TMEM59L: variants seen among roughly 807,000 people sequenced by gnomAD.
The protein encoded by TMEM59L is transmembrane protein 59-like.
Under a neutral mutation model 39.6 loss-of-function variants are expected in TMEM59L, and 31 were observed. The observed-to-expected ratio is 0.78, with a 90% confidence interval of 0.59 to 1.06. The LOEUF (loss-of-function observed/expected upper bound fraction) is 1.06. Among genes scored for constraint, TMEM59L ranks in the 50% least tolerant of loss-of-function variants. The probability of loss-of-function intolerance (pLI) is 0.00; values close to 1 mark genes in which losing one functional copy is unlikely to be tolerated. For missense variants in TMEM59L, 441 were observed against 451.3 expected, an observed-to-expected ratio of 0.98 and a Z score of 0.21; for synonymous variants, 219 against 202.9, an observed-to-expected ratio of 1.08 and a Z score of -0.68.
rs1976449047 is a variant in TMEM59L at position 18,617,886 on chromosome 19, C to T, written c.665-269C>T. 5.7e-6 allele frequency: 3 copies of T among 525,316 alleles called. No homozygotes were observed. The South Asian group carries it at 6.2e-5, about 11-fold the overall frequency. 32.5% of individuals were successfully genotyped at this position (525,316 alleles called of 1,614,324 possible). A position where few individuals can be genotyped will look rare whatever the true frequency, so the allele number is the denominator to read the frequency against. On this transcript the variant is annotated intron_variant, in intron 5 of 7. Coordinates refer to ENST00000262817, the MANE Select transcript of TMEM59L (RefSeq NM_012109.3). ...AGGGTCATCTCCTAGGGTCCATCTC[C>T]TAGAGTTCTTTGGTCTATCTCTCAG...
chr19:18,618,249 T>C lies in TMEM59L; in HGVS notation c.759T>C (p.Asn253=), dbSNP rs1976452818. ...AKVESEEPQD[N]DFLSCMSRRS... Reference sequence around the variant, plus strand: ...TGGAGTCTGAAGAGCCACAGGACAATGACTTCCTCAGTTGCATGTCCCGGT... The same window carrying C: ...TGGAGTCTGAAGAGCCACAGGACAACGACTTCCTCAGTTGCATGTCCCGGT... Residue 253 remains asparagine, a synonymous_variant, in exon 6 of 8, where the codon AAT becomes AAC. Coordinates refer to ENST00000262817, the MANE Select transcript of TMEM59L (RefSeq NM_012109.3). The C allele has an allele frequency of 7.0e-7, 1 of 1,434,790 alleles. No individual in the cohort carries two copies. The highest frequency in any genetic ancestry group is 9.3e-7 in the Non-Finnish European group (1 of 1,074,530). The allele number at this position is 1,434,790 out of a possible 1,614,324, so 88.9% of individuals were successfully genotyped here.
intron 3 of TMEM59L, among the ~76,000 whole-genome samples, chr19:18,614,656 C>T (rs1476795353): frequency 4.6e-5 from 7 of 152,252 alleles, no homozygotes; most frequent in African/African-American, 1.7e-4. Context: ...GGTCTAAGCC[C>T]TTCCCCTGTG....
In TMEM59L at chr19:18,618,423, C is replaced by T. The variant is rs768319181; in HGVS notation, c.831C>T (p.Ser277=). 38 of 1,608,278 alleles carry T rather than the reference C, an allele frequency of 2.4e-5. No homozygotes were observed. In the Admixed American group the frequency reaches 4.0e-4, roughly 17 times the overall value. Residue 277 remains serine (S), a synonymous_variant, in exon 7 of 8, where the codon TCC becomes TCT. Coordinates refer to ENST00000262817, the MANE Select transcript of TMEM59L (RefSeq NM_012109.3). ...RWILACCLFL[S]VLVMLWLSCS... Reference sequence around the variant, plus strand: ...TCCTGGCCTGCTGCCTCTTCCTCTCCGTGCTGGTGATGCTGTGGCTGAGCT... The same window carrying T: ...TCCTGGCCTGCTGCCTCTTCCTCTCTGTGCTGGTGATGCTGTGGCTGAGCT...
Position 18,620,230 on chromosome 19 carries a change from A to G in TMEM59L, c.901-178A>G, listed in dbSNP as rs557712655. Among the ~76,000 whole-genome samples the G allele has an allele frequency of 5.8e-3, 883 of 151,974 alleles. 1 individual carries two copies. The highest frequency in any genetic ancestry group is 0.012 in the Admixed American group (177 of 15,240). ...GAAAGGAGAATCGCTTGAACCTAGG[A>G]GGCGGAGGTTGCAGTGAGCTGAGAT... On this transcript the variant is annotated intron_variant, in intron 7 of 7. Transcript: ENST00000262817.
intron 4 of TMEM59L, among the ~76,000 whole-genome samples, chr19:18,616,669 A>G (rs2145349394): frequency 6.6e-6 from 1 of 152,312 alleles, no homozygotes; most frequent in South Asian, 2.1e-4. Context: ...CTGGGATTAC[A>G]GGCATGAGCC....
intron 5 of TMEM59L, chr19:18,617,363 C>T (rs537260534): frequency 1.7e-6 from 1 of 578,752 alleles, no homozygotes; most frequent in South Asian, 1.5e-5. Flanking sequence ...GGTCTATTTA[C>T]CAGGGATCCG....
At chr19:18,617,732 G>T (rs4808833) in intron 5 of TMEM59L, 5 of 422,936 alleles carry the variant, frequency 1.2e-5, no homozygotes, top group Non-Finnish European at 2.3e-5. Context: ...GGGTTCCATG[G>T]TCCATTTCCC....
chr19:18,614,031 G>T lies in TMEM59L; in HGVS notation c.316+15G>T. The T allele has an allele frequency of 6.2e-7, 1 of 1,613,172 alleles. No homozygotes were observed. The highest frequency in any genetic ancestry group is 8.5e-7 in the Non-Finnish European group (1 of 1,179,918). On this transcript the variant is annotated intron_variant, in intron 2 of 7. Coordinates refer to ENST00000262817, the MANE Select transcript of TMEM59L (RefSeq NM_012109.3). ...GTGTGAAGCAGGTGAGGGCCCGCCG[G>T]CAGGGTGGGCCAGCGTGGGGAGAGG... is the stretch of plus-strand genomic sequence containing the variant.
intron 7 of TMEM59L, 70 bp from the exon 8 acceptor site, chr19:18,620,338 G>C (rs1262065934): frequency 7.0e-7 from 1 of 1,427,618 alleles, no homozygotes; most frequent in East Asian, 2.4e-5. Context: ...AGGTGGGAAG[G>C]AGACAGTCAG....
At position 18,620,765 on chromosome 19, in the gene TMEM59L, G is replaced by T; in HGVS notation, c.*229G>T. On this transcript the variant is annotated 3_prime_UTR_variant, in exon 8 of 8. Transcript: ENST00000262817. ...GTTCCTCCTTGTCCCCGCTTTCTTG[G>T]GGGCTTGCTACTTTTTGTCTTCTAT... is the stretch of plus-strand genomic sequence containing the variant. 2.1e-6 allele frequency: 1 copy of T among 483,292 alleles called. No homozygotes were observed. 29.9% of individuals were successfully genotyped at this position (483,292 alleles called of 1,614,324 possible).
Position 18,613,125 on chromosome 19 carries a change from C to G in TMEM59L, c.167C>G (p.Ser56Trp), listed in dbSNP as rs1302016963. ...GACCGCGACCTCGGCCCGCAGCCCT[C>G]GCAGGTGAGGCGCGTGCGGTGCCAG... ...CRDRDLGPQP[S>W]QAGLEGASES... The change falls in exon 1 of 8, where the codon TCG becomes TGG. Residue 56 changes from serine to tryptophan, a missense_variant. Transcript: ENST00000262817. 7 of 1,291,646 alleles carry G rather than the reference C, an allele frequency of 5.4e-6. No individual in the cohort carries two copies. Among genetic ancestry groups the G allele is most frequent in the Non-Finnish European group, 6.8e-6 (7 of 1,023,598 alleles). The allele number at this position is 1,291,646 out of a possible 1,614,324, so 80.0% of individuals were successfully genotyped here. A position where few individuals can be genotyped will look rare whatever the true frequency, so the allele number is the denominator to read the frequency against.
chr19:18,616,958 T>TG, intron 4 of TMEM59L, 42 bp from the exon 5 acceptor site: 1 of 1,485,114 alleles, frequency 6.7e-7, no homozygotes, highest in East Asian at 2.3e-5. Context: ...CCAGGGGTGC[T>TG]GTTCTCACAA....
Position 18,616,044 on chromosome 19 carries a change from CTTG to C in TMEM59L, c.480_482del (p.Val161del). 6.2e-7 allele frequency: 1 copy of C among 1,614,112 alleles called. No homozygotes were observed. The highest frequency in any genetic ancestry group is 1.3e-5 in the African/African-American group (1 of 75,050). Reference sequence around the variant, plus strand: ...CTTGTTTTCCACCCTCTGCAATGACCTTGTCAACTCAGCCCAGGGATTTGTCTC... The same window carrying C: ...CTTGTTTTCCACCCTCTGCAATGACCTCAACTCAGCCCAGGGATTTGTCTC... On this transcript the variant is annotated inframe_deletion, in exon 4 of 8. Coordinates refer to ENST00000262817, the MANE Select transcript of TMEM59L (RefSeq NM_012109.3).
At position 18,614,133 on chromosome 19, in the gene TMEM59L, G is replaced by A. The variant is rs755017616; in HGVS notation, c.346G>A (p.Glu116Lys). ...ACVEAYVKEAEQQACSHGCWS... is the reference protein window; with the variant it reads ...ACVEAYVKEAKQQACSHGCWS... ...CGTGGAAGCCTATGTGAAGGAGGCA[G>A]AGCAGCAGGCCTGTAGCCACGGCTG... Residue 116 changes from glutamate (E) to lysine (K), a missense_variant, in exon 3 of 8, where the codon GAG becomes AAG. By Grantham distance (56) the Glu-to-Lys change is moderately conservative. Transcript: ENST00000262817. The A allele has an allele frequency of 6.2e-7, 1 of 1,610,952 alleles. No homozygotes were observed. The highest frequency in any genetic ancestry group is 8.5e-7 in the Non-Finnish European group (1 of 1,179,352).
intron 4 of TMEM59L, 97 bp downstream of exon 4, chr19:18,616,224 C>T: frequency 6.8e-7 from 1 of 1,463,730 alleles, no homozygotes; most frequent in South Asian, 1.3e-5. Flanking sequence ...ATGCAAAGTC[C>T]ACAGTGGGCG....
In TMEM59L at chr19:18,614,174, G is replaced by A; in HGVS notation, c.387G>A (p.Ala129=). The A allele has an allele frequency of 6.2e-7, 1 of 1,604,766 alleles. No homozygotes were observed. Among genetic ancestry groups the A allele is most frequent in the South Asian group, 1.1e-5 (1 of 90,262 alleles). Residue 129 remains alanine (A), a synonymous_variant, in exon 3 of 8, where the codon GCG becomes GCA. Coordinates refer to ENST00000262817, the MANE Select transcript of TMEM59L (RefSeq NM_012109.3). ...GCCACGGCTGCTGGAGCCAGCCCGCGGAGCCTGAGCCGGAGCAGAAGGTGG... is the reference window on the plus strand; with the variant it reads ...GCCACGGCTGCTGGAGCCAGCCCGCAGAGCCTGAGCCGGAGCAGAAGGTGG... ...ACSHGCWSQP[A]EPEPEQKRKV...
intron 7 of TMEM59L, 24 bp downstream of exon 7, chr19:18,618,516 C>G (rs1976457127): frequency 6.3e-7 from 1 of 1,590,012 alleles, no homozygotes; most frequent in East Asian, 2.3e-5. Context: ...GTGAATGGCG[C>G]TGGGCCGAGG....
chr19:18,617,921 G>C (rs1322637496), intron 5 of TMEM59L: 8 of 576,148 alleles, frequency 1.4e-5, no homozygotes, highest in Non-Finnish European at 2.5e-5. Context: ...GGGTTCCATG[G>C]TTCATCTCCT....
At chr19:18,616,912 C>A in intron 4 of TMEM59L, 88 bp from the exon 5 acceptor site, 1 of 962,926 alleles carries the variant, frequency 1.0e-6, no homozygotes, top group Non-Finnish European at 1.6e-6. Context: ...ATCAGCTGGG[C>A]GTGGGACATG....
Sources: allele counts gnomAD v4.1 joint callset (sites outside exome capture counted in the v4.1 genomes callset), GRCh38; gene constraint gnomAD v4.1.1; transcripts MANE v1.5; gene names NCBI Gene and HGNC (gene_info 2026-07-23, HGNC 2026-07-21).